The following KIF24 variants were observed in gnomAD, a reference collection of about 807,000 sequenced individuals.
KIF24 encodes the protein kinesin family member 24, also known as kinesin-like protein KIF24.
KIF24 carries 81 observed loss-of-function variants against 118.9 expected under a neutral mutation model. The ratio of observed to expected loss-of-function variants is 0.68; its 90% CI spans 0.57 to 0.82. The LOEUF is 0.82. Among genes scored for constraint, KIF24 ranks in the 40% least tolerant of loss-of-function variants. The pLI, the probability that KIF24 is intolerant of heterozygous loss-of-function variation, is 0.00. For missense variants in KIF24, 1,560 were observed against 1,661.6 expected, an observed-to-expected ratio of 0.94 and a Z score of 1.06; for synonymous variants, 599 against 610.0, an observed-to-expected ratio of 0.98 and a Z score of 0.27.
intron 5 of KIF24, among the ~76,000 whole-genome samples, chr9:34,287,944 T>C (rs1836112197): frequency 6.6e-6 from 1 of 151,836 alleles, no homozygotes; most frequent in Non-Finnish European, 1.5e-5. Context: ...ATCTAACTTT[T>C]AGAGCCCTGC....
At position 34,255,205 on chromosome 9, in the gene KIF24, C is replaced by T. The variant is rs140475225; in HGVS notation, c.3873-40G>A. The T allele has an allele frequency of 4.7e-5, 57 of 1,225,514 alleles. No homozygotes were observed. In the African/African-American group the frequency reaches 7.5e-4, roughly 16 times the overall value. 75.9% of individuals were successfully genotyped at this position (1,225,514 alleles called of 1,614,324 possible). A position where few individuals can be genotyped will look rare whatever the true frequency, so the allele number is the denominator to read the frequency against. Reference sequence around the variant, plus strand: ...GAGAACACTGTGATCTTCCTGGCCTCCCAGCCTCTCCTGGGTAGCTTTCTG... The same window carrying T: ...GAGAACACTGTGATCTTCCTGGCCTTCCAGCCTCTCCTGGGTAGCTTTCTG... On this transcript the variant is annotated intron_variant, in intron 11 of 12. Coordinates refer to ENST00000402558, the MANE Select transcript of KIF24 (RefSeq NM_194313.4).
At chr9:34,313,653 T>C (rs1264804189) in intron 1 of KIF24, among the ~76,000 whole-genome samples, 1 of 151,844 alleles carries the variant, frequency 6.6e-6, no homozygotes, top group Non-Finnish European at 1.5e-5. Flanking sequence ...AGAGCAATTT[T>C]AGGTTCACAG....
intron 4 of KIF24, among the ~76,000 whole-genome samples, chr9:34,290,682 C>T (rs1234394306): frequency 6.6e-6 from 1 of 151,708 alleles, no homozygotes; most frequent in East Asian, 1.9e-4. Flanking sequence ...TCACTGCAAC[C>T]TCTGTCTCCC....
At chr9:34,283,006 C>T (rs547693007) in intron 6 of KIF24, among the ~76,000 whole-genome samples, 18 of 134,304 alleles carry the variant, frequency 1.3e-4, no homozygotes, top group African/African-American at 3.6e-4. Flanking sequence ...GAACCCAGAT[C>T]GAGCCATTGC....
chr9:34,308,034 G>A (rs1468865985), intron 2 of KIF24, among the ~76,000 whole-genome samples: 2 of 151,286 alleles, frequency 1.3e-5, no homozygotes, highest in Admixed American at 6.6e-5. Context: ...GCAGTGGTGC[G>A]AGCATAGCTC....
chr9:34,330,943 A>T (rs1248606389), upstream of KIF24, among the ~76,000 whole-genome samples: 1 of 152,102 alleles, frequency 6.6e-6, no homozygotes, highest in African/African-American at 2.4e-5. Flanking sequence ...CCTGGGCGAC[A>T]GAGGGAGACT....
intron 7 of KIF24, among the ~76,000 whole-genome samples, chr9:34,271,101 A>G (rs1835486922): frequency 6.6e-6 from 1 of 152,106 alleles, no homozygotes; most frequent in South Asian, 2.1e-4. Context: ...TCTTACAAAC[A>G]AAGAAACATG....
At chr9:34,293,427 C>T (rs1394202516) in intron 4 of KIF24, among the ~76,000 whole-genome samples, 1 of 144,832 alleles carries the variant, frequency 6.9e-6, no homozygotes, top group African/African-American at 2.6e-5. Context: ...TTGCAGTGAG[C>T]TGAGATCGCA....
At chr9:34,286,782 A>G (rs1836068277) in intron 5 of KIF24, 78 bp from the exon 6 acceptor site, 3 of 958,648 alleles carry the variant, frequency 3.1e-6, no homozygotes, top group East Asian at 2.4e-5. Flanking sequence ...AAACCATTCC[A>G]CCATTCCTCT....
At chr9:34,271,695 T>C in intron 7 of KIF24, 114 bp downstream of exon 7, 1 of 1,071,584 alleles carries the variant, frequency 9.3e-7, no homozygotes, top group African/African-American at 1.6e-5. Flanking sequence ...CTACTCTGTA[T>C]CCCTGCAATG....
intron 4 of KIF24, 71 bp from the exon 5 acceptor site, chr9:34,290,460 G>A: frequency 2.1e-6 from 2 of 937,872 alleles, no homozygotes; most frequent in Non-Finnish European, 3.2e-6. Flanking sequence ...GATTTTTAAT[G>A]ACAAAGGTCA....
Position 34,255,105 on chromosome 9 carries a change from C to A in KIF24, c.3933G>T (p.Lys1311Asn). The change falls in exon 12 of 13, where the codon AAG (lysine) becomes AAT (asparagine). Residue 1311 changes from lysine (K) to asparagine (N), a missense_variant. By Grantham distance (94) the Lys-to-Asn change is moderately conservative (BLOSUM62 0). Transcript: ENST00000402558. ...QLDEMAELGF[K>N]EETLMSQLAS... Reference sequence around the variant, plus strand: ...CCAGCTGGCTCATCAGCGTCTCCTCCTTGAAGCCGAGCTCAGCCATTTCAT... The same window carrying A: ...CCAGCTGGCTCATCAGCGTCTCCTCATTGAAGCCGAGCTCAGCCATTTCAT... 1 of 1,596,248 alleles carries A rather than the reference C, an allele frequency of 6.3e-7. No individual in the cohort carries two copies. Among genetic ancestry groups the A allele is most frequent in the Non-Finnish European group, 8.5e-7 (1 of 1,171,226 alleles).
intron 1 of KIF24, among the ~76,000 whole-genome samples, 155 bp downstream of exon 1, chr9:34,328,951 T>C (rs543576853): frequency 6.6e-6 from 1 of 152,286 alleles, no homozygotes; most frequent in South Asian, 2.1e-4. Context: ...GTAGGTGAAC[T>C]TTAGGAAGAG....
intron 3 of KIF24, 99 bp downstream of exon 3, chr9:34,306,153 G>A (rs1836906205): frequency 1.3e-6 from 1 of 757,590 alleles, no homozygotes; most frequent in Non-Finnish European, 2.2e-6. Context: ...GATTTTCAGT[G>A]TTCTAACAGA....
rs1402929191 is a variant in KIF24, at chr9:34,257,195, A to G, written c.2412T>C (p.Thr804=). Residue 804 remains threonine (T), a synonymous_variant, in exon 11 of 13, where the codon ACT becomes ACC. Transcript: ENST00000402558. The stretch of plus-strand genomic sequence containing the variant: ...CAGAGTAAGAGTGGAACAGAGGCGG[A>G]GTCTCATTCGTGAGCTGACCCTCTG... ...RPPEGQLTNE[T]PPLFHSYSEN... is the part of the protein sequence containing the mutation. 1 of 1,614,020 alleles carries G rather than the reference A, an allele frequency of 6.2e-7. No individual in the cohort carries two copies. Among genetic ancestry groups the G allele is most frequent in the South Asian group, 1.1e-5 (1 of 91,092 alleles).
Position 34,290,142 on chromosome 9 carries a change from C to T in KIF24, c.1127+32G>A, listed in dbSNP as rs768942944. On this transcript the variant is annotated intron_variant, in intron 5 of 12. Coordinates refer to ENST00000402558, the MANE Select transcript of KIF24 (RefSeq NM_194313.4). ...GACTCTGGCTTAAAATAGCGATGAACAGATTTATCGCTTCCCACTCATATT... is the reference window on the plus strand; with the variant it reads ...GACTCTGGCTTAAAATAGCGATGAATAGATTTATCGCTTCCCACTCATATT... The T allele has an allele frequency of 1.2e-5, 18 of 1,465,164 alleles. 1 individual carries two copies. Among genetic ancestry groups the T allele is most frequent in the Non-Finnish European group, 1.5e-5 (16 of 1,048,676 alleles). 90.8% of individuals were successfully genotyped at this position (1,465,164 alleles called of 1,614,324 possible).
At chr9:34,315,776 C>T (rs1281123231) in intron 1 of KIF24, among the ~76,000 whole-genome samples, 1 of 152,220 alleles carries the variant, frequency 6.6e-6, no homozygotes, top group African/African-American at 2.4e-5. Flanking sequence ...TGCCTGTAAT[C>T]CCAGCACTTT....
At chr9:34,261,169 C>T (rs1446415387) in intron 9 of KIF24, among the ~76,000 whole-genome samples, 1 of 152,130 alleles carries the variant, frequency 6.6e-6, no homozygotes, top group Non-Finnish European at 1.5e-5. Context: ...ACTCTAGCTG[C>T]ACAGAATAAA....
intron 1 of KIF24, among the ~76,000 whole-genome samples, chr9:34,327,901 TAGAGAC>T (rs1837728789): frequency 6.6e-6 from 1 of 151,472 alleles, no homozygotes; most frequent in South Asian, 2.1e-4. Context: ...CACAGTGAAT[TAGAGAC>T]AGAGACAGAG....
Sources: gnomAD v4.1 joint callset for allele counts (sites outside exome capture counted in the v4.1 genomes callset) on GRCh38, gnomAD v4.1.1 for gene constraint, MANE v1.5 for transcripts, NCBI Gene and HGNC (gene_info 2026-07-23, HGNC 2026-07-21) for gene names.